USP42: variants seen among roughly 807,000 people sequenced by gnomAD.
The protein encoded by USP42 is ubiquitin specific peptidase 42, also known as ubiquitin carboxyl-terminal hydrolase 42.
USP42 carries 23 observed loss-of-function variants against 113.0 expected under a neutral mutation model. The ratio of observed to expected loss-of-function variants is 0.20; its 90% CI spans 0.15 to 0.29. The LOEUF (loss-of-function observed/expected upper bound fraction) is 0.29, where lower values mean the gene tolerates loss of function less well. Ranked by LOEUF, USP42 falls within the 10% of genes least tolerant of loss-of-function variation. USP42 has a pLI of 1.00. For synonymous variants in USP42, 933 were observed against 699.0 expected (o/e 1.33, Z -5.28); for missense variants, 2,174 against 1,779.8 (o/e 1.22, Z -3.99).
At position 6,133,894 on chromosome 7, in the gene USP42, T is replaced by C. The variant is rs868419536; in HGVS notation, c.443-1947T>C. 3.9e-3 allele frequency among the ~76,000 whole-genome samples: 575 copies of C among 147,566 alleles called. 4 individuals are homozygous for C. The highest frequency in any genetic ancestry group is 6.1e-3 in the Non-Finnish European group (409 of 66,840). ...ATCTATTTCCATGTTTCTTCTTCTT[T>C]TTTTTTTTTTTTTTGAGACAGCGTC... On this transcript the variant is annotated intron_variant, in intron 3 of 17. Transcript: ENST00000306177.
At chr7:6,152,346 T>C (rs1782112779) in intron 14 of USP42, among the ~76,000 whole-genome samples, 1 of 152,246 alleles carries the variant, frequency 6.6e-6, no homozygotes, top group African/African-American at 2.4e-5. Context: ...TCTAGATTTA[T>C]ATACTGGGTG....
intron 11 of USP42, among the ~76,000 whole-genome samples, chr7:6,146,771 A>G (rs10232283): frequency 0.047 from 7,201 of 152,294 alleles, 592 homozygotes; most frequent in African/African-American, 0.17. Context: ...GGCCATGAGC[A>G]CTGAAGGTGC....
chr7:6,143,047 G>T (rs911366965), intron 8 of USP42, 33 bp downstream of exon 8: 19 of 1,609,950 alleles, frequency 1.2e-5, no homozygotes, highest in East Asian at 2.2e-5. Flanking sequence ...TCTTGATGCC[G>T]GCTTCTCCAG....
chr7:6,090,097 C>T, the USP42 span, among the ~76,000 whole-genome samples: 8 of 145,322 alleles, frequency 5.5e-5, no homozygotes, highest in Non-Finnish European at 1.2e-4. Flanking sequence ...ATCGGGAGTT[C>T]GAGACCAGTC....
intron 6 of USP42, among the ~76,000 whole-genome samples, 186 bp from the exon 7 acceptor site, chr7:6,140,728 G>T: frequency 6.6e-6 from 1 of 150,696 alleles, no homozygotes; most frequent in Admixed American, 6.6e-5. Context: ...TATATGAGGG[G>T]CCAAATTCAT....
chr7:6,158,008 AG>A lies in USP42; in HGVS notation c.3943+954del, dbSNP rs1782559258. ...GGATGTCACTCGAGTCAGTGGACCT[AG>A]AGCGGAGGCTGGCAAACTGCAGCCC... is the stretch of plus-strand genomic sequence containing the variant. On this transcript the variant is annotated intron_variant, in intron 16 of 17. Transcript: ENST00000306177. The surrounding 1 kb of genome is among the most constrained non-coding windows in gnomAD (Gnocchi z 4.2). Among the ~76,000 whole-genome samples the A allele has an allele frequency of 6.6e-6, 1 of 152,248 alleles. No individual in the cohort carries two copies. The highest frequency in any genetic ancestry group is 1.5e-5 in the Non-Finnish European group (1 of 68,052).
chr7:6,131,842 G>A (rs1054941018), intron 3 of USP42, among the ~76,000 whole-genome samples: 10 of 152,158 alleles, frequency 6.6e-5, no homozygotes, highest in Admixed American at 5.9e-4. Context: ...TTGGCAGGAG[G>A]AATAGAAAAC....
At chr7:6,150,345 C>G (rs373489451) in intron 13 of USP42, 43 bp downstream of exon 13, 14 of 1,607,480 alleles carry the variant, frequency 8.7e-6, no homozygotes, top group African/African-American at 1.3e-5. Flanking sequence ...GTGGCGGTTC[C>G]CTTGGCTGGA....
chr7:6,091,676 A>T, the USP42 span, among the ~76,000 whole-genome samples: 1 of 59,112 alleles, frequency 1.7e-5, no homozygotes, highest in African/African-American at 6.4e-5. Flanking sequence ...TCATTATGTT[A>T]GCATACACAC....
intron 3 of USP42, among the ~76,000 whole-genome samples, chr7:6,123,501 A>C (rs566128361): frequency 6.6e-6 from 1 of 152,230 alleles, no homozygotes; most frequent in South Asian, 2.1e-4. Flanking sequence ...GTCTCTACTA[A>C]AAATACAAAT....
intron 3 of USP42, among the ~76,000 whole-genome samples, chr7:6,117,585 G>A (rs1779982748): frequency 6.6e-6 from 1 of 152,182 alleles, no homozygotes; most frequent in East Asian, 1.9e-4. Flanking sequence ...TGGTCCTGGG[G>A]TGGGTGTGTA....
Position 6,154,415 on chromosome 7 carries a change from G to A in USP42, c.2861G>A (p.Arg954His), listed in dbSNP as rs1465713729. ...SLRKVDRGHY[R>H]SRRERSSSGE... is the part of the protein sequence containing the mutation. ...AGAAAGGTGGACCGAGGCCACTACC[G>A]CAGCCGGAGAGAGCGCTCGTCCAGC... Residue 954 changes from arginine (R) to histidine (H), a missense_variant, in exon 15 of 18, where the codon CGC becomes CAC. Physicochemically the swap from Arg to His is conservative, Grantham distance 29. Transcript: ENST00000306177. 3.8e-6 allele frequency: 6 copies of A among 1,576,020 alleles called. No individual in the cohort carries two copies. Among genetic ancestry groups the A allele is most frequent in the South Asian group, 1.2e-5 (1 of 85,940 alleles).
At position 6,150,284 on chromosome 7, in the gene USP42, A is replaced by G; in HGVS notation, c.2088A>G (p.Ala696=). 1.2e-6 allele frequency: 2 copies of G among 1,613,288 alleles called. No individual in the cohort carries two copies. The highest frequency in any genetic ancestry group is 1.7e-6 in the Non-Finnish European group (2 of 1,179,670). The part of the protein sequence containing the change: ...ALHSENPFAK[A]NGLPGKLMPA... The stretch of plus-strand genomic sequence containing the variant: ...ACTCAGAAAATCCCTTTGCTAAGGC[A>G]AACGGTCTTCCTGGAAAGGTGAGTG... The change falls in exon 13 of 18, where the codon GCA becomes GCG. Residue 696 remains alanine (A), a synonymous_variant. Transcript: ENST00000306177.
intron 4 of USP42, among the ~76,000 whole-genome samples, 156 bp from the exon 5 acceptor site, chr7:6,138,936 A>G (rs1450869592): frequency 2.0e-5 from 3 of 152,204 alleles, no homozygotes; most frequent in Admixed American, 2.0e-4. Context: ...TCCTGCTTAT[A>G]GCTTATATTA....
the USP42 span, among the ~76,000 whole-genome samples, chr7:6,093,845 G>C: frequency 2.7e-5 from 4 of 150,756 alleles, no homozygotes; most frequent in Non-Finnish European, 5.9e-5. Flanking sequence ...AAAAGACCTT[G>C]TTCATGTTTG....
rs768219419 is a variant in USP42, at chr7:6,154,791, C to A, written c.3237C>A (p.Gly1079=). ...YAARDWKPFH[G]GREHERAGLH... ...CCCGGGACTGGAAGCCCTTCCACGG[C>A]GGCCGCGAGCACGAGCGGGCCGGGC... The change falls in exon 15 of 18, where the codon GGC becomes GGA. Residue 1079 remains glycine (G), a synonymous_variant. Transcript: ENST00000306177. 4.5e-6 allele frequency: 7 copies of A among 1,547,794 alleles called. No homozygotes were observed. The highest frequency in any genetic ancestry group is 2.4e-5 in the South Asian group (2 of 83,930).
chr7:6,085,373 C>T, the USP42 span: 1 of 150,548 alleles, frequency 6.6e-6, no homozygotes, highest in Non-Finnish European at 1.5e-5. Flanking sequence ...GATCCACCAG[C>T]TTTGGGCTCC....
At position 6,154,691 on chromosome 7, in the gene USP42, G is replaced by C. The variant is rs1288153790; in HGVS notation, c.3137G>C (p.Arg1046Pro). The C allele has an allele frequency of 1.2e-6, 2 of 1,603,430 alleles. No homozygotes were observed. The highest frequency in any genetic ancestry group is 1.1e-5 in the South Asian group (1 of 89,300). ...HYTEGERGWGREKFYPDRPRW... is the reference protein window; with the variant it reads ...HYTEGERGWGPEKFYPDRPRW... ...ACCGAGGGCGAGCGTGGCTGGGGCC[G>C]GGAGAAGTTCTACCCCGACAGGCCG... The change falls in exon 15 of 18, where the codon CGG becomes CCG. Residue 1046 changes from arginine (R) to proline (P), a missense_variant. Transcript: ENST00000306177.
chr7:6,142,953 G>A lies in USP42; in HGVS notation c.817G>A (p.Ala273Thr). Residue 273 changes from alanine (A) to threonine (T), a missense_variant, in exon 8 of 18, where the codon GCA (alanine) becomes ACA (threonine). Ala to Thr is a moderately conservative substitution (Grantham distance 58). Coordinates refer to ENST00000306177, the MANE Select transcript of USP42 (RefSeq NM_032172.3). ...CCAGGCTGCTCAGAGTGTCAACAAG[G>A]CATTGGAGCAGTTTGTGAAGCCGGA... is the stretch of plus-strand genomic sequence containing the variant. ...EIKAAQSVNK[A>T]LEQFVKPEQL... 1 of 1,613,974 alleles carries A rather than the reference G, an allele frequency of 6.2e-7. No homozygotes were observed. The highest frequency in any genetic ancestry group is 8.5e-7 in the Non-Finnish European group (1 of 1,179,868).
Sources: gnomAD v4.1 joint callset for allele counts (sites outside exome capture counted in the v4.1 genomes callset) on GRCh38, gnomAD v4.1.1 for gene constraint, Gnocchi (gnomAD v3.1) non-coding constraint, MANE v1.5 for transcripts, NCBI Gene and HGNC (gene_info 2026-07-23, HGNC 2026-07-21) for gene names.